Variants in IFT52 observed in about 807,000 individuals in gnomAD.
IFT52 encodes the protein intraflagellar transport 52.
IFT52 carries 44 observed loss-of-function variants against 54.4 expected under a neutral mutation model. That is an observed-to-expected ratio of 0.81 (90% CI 0.63 to 1.04). The LOEUF (loss-of-function observed/expected upper bound fraction) is 1.04. IFT52 is among the 50% of genes least tolerant of loss of function. IFT52 has a pLI of 0.00. For missense variants in IFT52, 452 were observed against 523.6 expected (o/e 0.86, Z 1.33); for synonymous variants, 181 against 185.3 (o/e 0.98, Z 0.19).
chr20:43,642,719 C>A, intron 13 of IFT52, 95 bp downstream of exon 13: 1 of 1,271,076 alleles, frequency 7.9e-7, no homozygotes, highest in Non-Finnish European at 1.1e-6. Flanking sequence ...GTTGATTCAG[C>A]CTGTAAATAT....
intron 6 of IFT52, among the ~76,000 whole-genome samples, chr20:43,606,821 G>C (rs897042243): frequency 1.3e-5 from 2 of 152,124 alleles, no homozygotes; most frequent in Non-Finnish European, 2.9e-5. Context: ...GCATCTGTTT[G>C]ACAAAGCACA....
In IFT52 at chr20:43,620,880, G is replaced by A. The variant is rs779305915; in HGVS notation, c.723G>A (p.Thr241=). ...AGGATGTTGTTTTCCAGTGGCTCAC[G>A]ACAGGAGACATCCACCTAAACCAGA... The part of the protein sequence containing the change: ...KIMDVVFQWL[T]TGDIHLNQID... The change falls in exon 9 of 14, where the codon ACG becomes ACA. Residue 241 remains threonine, a synonymous_variant. Transcript: ENST00000373030. 1.3e-5 allele frequency: 21 copies of A among 1,611,066 alleles called. No individual in the cohort carries two copies. The highest frequency in any genetic ancestry group is 5.4e-5 in the African/African-American group (4 of 74,440).
chr20:43,622,853 T>C (rs2145639959), intron 9 of IFT52, among the ~76,000 whole-genome samples: 1 of 151,018 alleles, frequency 6.6e-6, no homozygotes, highest in South Asian at 2.1e-4. Flanking sequence ...AATATATACA[T>C]ATATTTAACC....
At position 43,620,882 on chromosome 20, in the gene IFT52, C is replaced by A; in HGVS notation, c.725C>A (p.Thr242Lys). 6.2e-7 allele frequency: 1 copy of A among 1,611,866 alleles called. No homozygotes were observed. Among genetic ancestry groups the A allele is most frequent in the Non-Finnish European group, 8.5e-7 (1 of 1,179,008 alleles). Residue 242 changes from threonine to lysine, a missense_variant, in exon 9 of 14, where the codon ACA (threonine) becomes AAA (lysine). Physicochemically the swap from Thr to Lys is moderately conservative, Grantham distance 78 (BLOSUM62 -1). Transcript: ENST00000373030. ...IMDVVFQWLT[T>K]GDIHLNQIDA... ...GATGTTGTTTTCCAGTGGCTCACGA[C>A]AGGAGACATCCACCTAAACCAGATT...
intron 9 of IFT52, among the ~76,000 whole-genome samples, chr20:43,623,522 T>C (rs1242529527): frequency 2.6e-5 from 4 of 152,188 alleles, no homozygotes; most frequent in African/African-American, 9.7e-5. Flanking sequence ...AAGGGAATTA[T>C]TGTCTAGAAG....
chr20:43,646,093 C>T (rs1242764662), intron 13 of IFT52, among the ~76,000 whole-genome samples: 1 of 151,656 alleles, frequency 6.6e-6, no homozygotes, highest in African/African-American at 2.4e-5. Flanking sequence ...CACCTGTAGT[C>T]CCAGCTACTC....
chr20:43,630,220 A>G (rs1166839277), intron 10 of IFT52, among the ~76,000 whole-genome samples: 1 of 152,204 alleles, frequency 6.6e-6, no homozygotes, highest in African/African-American at 2.4e-5. Flanking sequence ...AAAAAGATAC[A>G]TCTGACCACT....
At chr20:43,603,927 T>C (rs755583365) in intron 4 of IFT52, 38 bp downstream of exon 4, 2 of 1,349,360 alleles carry the variant, frequency 1.5e-6, no homozygotes, top group South Asian at 2.5e-5. Flanking sequence ...GGCAGTACTT[T>C]TCTATCTATT....
intron 3 of IFT52, among the ~76,000 whole-genome samples, chr20:43,601,141 C>T (rs192852739): frequency 7.9e-5 from 12 of 152,060 alleles, no homozygotes; most frequent in South Asian, 6.2e-4. Context: ...GCCCTTCACC[C>T]GCTAAAATGT....
intron 4 of IFT52, 53 bp from the exon 5 acceptor site, chr20:43,604,130 T>A (rs1982668945): frequency 7.0e-7 from 1 of 1,419,780 alleles, no homozygotes; most frequent in Non-Finnish European, 1.0e-6. Context: ...GAGTCTATAA[T>A]ATCGAATTTA....
chr20:43,610,247 G>A (rs1479120962), intron 6 of IFT52, among the ~76,000 whole-genome samples: 5 of 139,512 alleles, frequency 3.6e-5, no homozygotes, highest in African/African-American at 1.4e-4. Context: ...AGCCGAGATT[G>A]CATCACTGCA....
In IFT52 at chr20:43,637,182, C is replaced by T. The variant is rs143545668; in HGVS notation, c.1049C>T (p.Pro350Leu). ...AGTTTCCGGGAGTTACCACCTCCTC[C>T]TCTGGAGCTATTTGATTTAGATGAA... Reference protein sequence around the residue: ...PPSFRELPPPPLELFDLDETF... With the variant: ...PPSFRELPPPLLELFDLDETF... The change falls in exon 12 of 14, where the codon CCT (proline) becomes CTT (leucine). Residue 350 changes from proline to leucine, a missense_variant. Transcript: ENST00000373030. 126 of 1,611,188 alleles carry T rather than the reference C, an allele frequency of 7.8e-5. No homozygotes were observed. In the Admixed American group the frequency reaches 2.1e-3, roughly 27 times the overall value.
intron 1 of IFT52, among the ~76,000 whole-genome samples, chr20:43,593,947 G>A (rs1049391958): frequency 1.3e-5 from 2 of 152,122 alleles, no homozygotes; most frequent in African/African-American, 2.4e-5. Context: ...GGTGAAACAG[G>A]TGTTTCAGAA....
At chr20:43,621,580 A>C (rs1984305963) in intron 9 of IFT52, among the ~76,000 whole-genome samples, 1 of 152,216 alleles carries the variant, frequency 6.6e-6, no homozygotes, top group South Asian at 2.1e-4. Context: ...CTTCTGCCTC[A>C]GCCTCCTGAG....
intron 5 of IFT52, among the ~76,000 whole-genome samples, chr20:43,604,685 G>T (rs181071762): frequency 2.0e-5 from 3 of 151,502 alleles, no homozygotes; most frequent in African/African-American, 7.3e-5. Flanking sequence ...CTTCTTTCTT[G>T]CCTTTTTGTT....
intron 1 of IFT52, 150 bp from the exon 2 acceptor site, chr20:43,594,543 T>G: frequency 1.7e-6 from 1 of 595,806 alleles, no homozygotes; most frequent in Non-Finnish European, 3.0e-6. Flanking sequence ...CATTTCACTC[T>G]CAACCTTTGA....
intron 3 of IFT52, among the ~76,000 whole-genome samples, chr20:43,600,752 C>T (rs898297765): frequency 6.6e-6 from 1 of 152,058 alleles, no homozygotes; most frequent in African/African-American, 2.4e-5. Context: ...GGGTGGAACA[C>T]CAGACGTCAG....
Position 43,596,507 on chromosome 20 carries a change from AT to A in IFT52, c.195del (p.Phe65LeufsTer9). The A allele has an allele frequency of 6.3e-7, 1 of 1,598,896 alleles. No homozygotes were observed. Among genetic ancestry groups the A allele is most frequent in the Non-Finnish European group, 8.6e-7 (1 of 1,166,874 alleles). On this transcript the variant is annotated frameshift_variant, in exon 3 of 14. Transcript: ENST00000373030. LOFTEE classifies it high-confidence loss of function. ...GGATTACAGCTGGGCCAAGGGAAAAATTTACTGCAGCTGAGGTAAGAAATAT... is the reference window on the plus strand; with the variant it reads ...GGATTACAGCTGGGCCAAGGGAAAAATTACTGCAGCTGAGGTAAGAAATAT... ...LWITAGPREK[F>X]TAAEFEILKK...
At chr20:43,633,006 T>C (rs1985276098) in intron 10 of IFT52, among the ~76,000 whole-genome samples, 1 of 152,254 alleles carries the variant, frequency 6.6e-6, no homozygotes, top group Non-Finnish European at 1.5e-5. Context: ...ATTTTGTCTC[T>C]TTTTAATTTG....
Sources: allele counts gnomAD v4.1 joint callset (sites outside exome capture counted in the v4.1 genomes callset), GRCh38; gene constraint gnomAD v4.1.1; transcripts MANE v1.5; gene names NCBI Gene and HGNC (gene_info 2026-07-23, HGNC 2026-07-21).